KCNIP4: variants seen among roughly 807,000 people sequenced by gnomAD.
KCNIP4 encodes potassium voltage-gated channel interacting protein 4, also known as Kv channel-interacting protein 4.
Under a neutral mutation model 34.0 loss-of-function variants are expected in KCNIP4, and 12 were observed. The ratio of observed to expected loss-of-function variants is 0.35; its 90% CI spans 0.23 to 0.57. The LOEUF is 0.57. Ranked by LOEUF, KCNIP4 falls within the 20% of genes least tolerant of loss-of-function variation. The pLI, the probability that KCNIP4 is intolerant of heterozygous loss-of-function variation, is 0.83. For missense variants in KCNIP4, 238 were observed against 311.7 expected, an observed-to-expected ratio of 0.76 and a Z score of 1.78; for synonymous variants, 124 against 102.2, an observed-to-expected ratio of 1.21 and a Z score of -1.29.
intron 1 of KCNIP4, among the ~76,000 whole-genome samples, chr4:21,006,213 C>T (rs1019582911): frequency 2.0e-5 from 3 of 152,134 alleles, no homozygotes; most frequent in Non-Finnish European, 4.4e-5. Context: ...AAGAAACCTG[C>T]ATGCAGAGGA....
chr4:21,851,714 A>G (rs1724409744), intron 1 of KCNIP4: 1 of 152,128 alleles, frequency 6.6e-6, no homozygotes, highest in Non-Finnish European at 1.5e-5. Context: ...CATTTCTCCA[A>G]CCAAATTGCG....
At chr4:21,118,155 C>A (rs1185800009) in intron 1 of KCNIP4, among the ~76,000 whole-genome samples, 1 of 152,094 alleles carries the variant, frequency 6.6e-6, no homozygotes, top group Non-Finnish European at 1.5e-5. Flanking sequence ...ACCACCTTAT[C>A]AACTAGTTCT....
chr4:21,722,034 T>C (rs1236891739), intron 1 of KCNIP4, among the ~76,000 whole-genome samples: 2 of 152,228 alleles, frequency 1.3e-5, no homozygotes, highest in African/African-American at 2.4e-5. Flanking sequence ...AAGGTATCTA[T>C]GTTCTGATTT....
intron 1 of KCNIP4, among the ~76,000 whole-genome samples, chr4:21,205,248 A>G (rs1207340651): frequency 6.6e-6 from 1 of 152,180 alleles, no homozygotes; most frequent in East Asian, 1.9e-4. Flanking sequence ...GGGCATGAAT[A>G]TGTCTGTGTT....
intron 1 of KCNIP4, among the ~76,000 whole-genome samples, chr4:21,187,020 C>A (rs1329492853): frequency 1.3e-5 from 2 of 152,140 alleles, no homozygotes. Context: ...GTAGCATGAG[C>A]ATTTTCTTTT....
In KCNIP4 at chr4:21,666,180, T is replaced by C. The variant is rs78006233; in HGVS notation, c.61+282391A>G. On this transcript the variant is annotated intron_variant, in intron 1 of 8. Coordinates refer to ENST00000382152, the MANE Select transcript of KCNIP4 (RefSeq NM_025221.6). ...ATCAAGTTGAAATGTCTCAGCTTTG[T>C]TCCTTTTTAAAAGATGAAGACATAG... Among the ~76,000 whole-genome samples the C allele has an allele frequency of 6.8e-3, 1,035 of 152,344 alleles. 63 individuals carry two copies. In the East Asian group the frequency reaches 0.15, roughly 22 times the overall value.
intron 1 of KCNIP4, among the ~76,000 whole-genome samples, chr4:21,820,770 T>G (rs139514841): frequency 9.0e-4 from 137 of 152,206 alleles, no homozygotes; most frequent in African/African-American, 3.1e-3. Context: ...ATCATTAAAG[T>G]TTTTTCTTCT....
intron 1 of KCNIP4, among the ~76,000 whole-genome samples, chr4:21,507,720 G>T (rs1179820998): frequency 6.6e-6 from 1 of 152,108 alleles, no homozygotes; most frequent in Non-Finnish European, 1.5e-5. Context: ...TGTGCCTTTG[G>T]CTATGCTGAT....
chr4:21,180,013 T>A (rs1026648223), intron 1 of KCNIP4, among the ~76,000 whole-genome samples: 2 of 152,184 alleles, frequency 1.3e-5, no homozygotes, highest in Non-Finnish European at 2.9e-5. Flanking sequence ...AGGATGGTGG[T>A]GGCTGAAAAA....
At chr4:21,531,727 C>A (rs922141199) in intron 1 of KCNIP4, among the ~76,000 whole-genome samples, 3 of 151,588 alleles carry the variant, frequency 2.0e-5, no homozygotes. Context: ...CAGGAAAGGG[C>A]AAGAATCTTG....
At chr4:21,148,864 T>C (rs923357735) in intron 1 of KCNIP4, among the ~76,000 whole-genome samples, 9 of 152,172 alleles carry the variant, frequency 5.9e-5, no homozygotes, top group African/African-American at 2.2e-4. Context: ...CACTAAAACT[T>C]TGCTGAATGA....
At chr4:20,925,981 G>A (rs575247981) in intron 1 of KCNIP4, among the ~76,000 whole-genome samples, 17 of 152,298 alleles carry the variant, frequency 1.1e-4, no homozygotes, top group Middle Eastern at 3.4e-3. Context: ...GCCCAAAGTT[G>A]TTTTTGGGGC....
intron 1 of KCNIP4, among the ~76,000 whole-genome samples, chr4:21,693,544 T>C (rs1007440271): frequency 6.6e-6 from 1 of 151,962 alleles, no homozygotes; most frequent in Admixed American, 6.6e-5. Context: ...GCCTGGGTGA[T>C]AGAGCAAGAC....
chr4:21,365,496 A>AATAAATAG (rs1245571428), intron 1 of KCNIP4, among the ~76,000 whole-genome samples: 46 of 105,584 alleles, frequency 4.4e-4, no homozygotes, highest in African/African-American at 1.8e-3. Context: ...TAAATAAATA[A>AATAAATAG]ATAAATAAAT....
intron 1 of KCNIP4, among the ~76,000 whole-genome samples, chr4:21,130,200 C>A (rs1750955832): frequency 6.6e-6 from 1 of 152,124 alleles, no homozygotes; most frequent in South Asian, 2.1e-4. Context: ...ATTAGAATCA[C>A]CTCGCAAAAT....
At chr4:21,841,258 T>C (rs1454701878) in intron 1 of KCNIP4, among the ~76,000 whole-genome samples, 1 of 152,126 alleles carries the variant, frequency 6.6e-6, no homozygotes, top group Non-Finnish European at 1.5e-5. Context: ...TCTCAGGTCA[T>C]TGCATTTGAA....
chr4:20,971,363 A>C (rs920951523), intron 1 of KCNIP4, among the ~76,000 whole-genome samples: 4 of 152,346 alleles, frequency 2.6e-5, no homozygotes, highest in African/African-American at 9.6e-5. Flanking sequence ...ATTTAAAAGG[A>C]CAATCTATTA....
At chr4:21,383,221 G>A (rs1721685139) in intron 1 of KCNIP4, among the ~76,000 whole-genome samples, 1 of 152,222 alleles carries the variant, frequency 6.6e-6, no homozygotes, top group South Asian at 2.1e-4. Flanking sequence ...CCAGAACTGT[G>A]ATCAATAAAT....
chr4:21,496,273 T>A (rs1732843427), intron 1 of KCNIP4, among the ~76,000 whole-genome samples: 1 of 152,026 alleles, frequency 6.6e-6, no homozygotes, highest in Non-Finnish European at 1.5e-5. Flanking sequence ...GGCTAATGTA[T>A]ATTGCTGAGA....
Sources: allele counts gnomAD v4.1 joint callset (sites outside exome capture counted in the v4.1 genomes callset), GRCh38; gene constraint gnomAD v4.1.1; transcripts MANE v1.5; gene names NCBI Gene and HGNC (gene_info 2026-07-23, HGNC 2026-07-21).